Variants in GNG4 observed in about 807,000 individuals in gnomAD.
GNG4 encodes guanine nucleotide-binding protein G(I)/G(S)/G(O) subunit gamma-4.
In GNG4, 4 loss-of-function variants were observed where a neutral mutation model predicts 5.8. That is an observed-to-expected ratio of 0.69 (90% confidence interval 0.34 to 1.57). GNG4 has a LOEUF of 1.57. GNG4 is among the 40% of genes most tolerant of loss of function. GNG4 has a pLI of 0.06. For synonymous variants in GNG4, 29 were observed against 32.9 expected (o/e 0.88, Z 0.41); for missense variants, 96 against 95.1 (o/e 1.01, Z -0.04).
chr1:235,598,915 T>A (rs1688188605), intron 1 of GNG4, among the ~76,000 whole-genome samples: 1 of 152,002 alleles, frequency 6.6e-6, no homozygotes, highest in Non-Finnish European at 1.5e-5. Context: ...TTAGTAGAGA[T>A]GGGGTTTCAC....
At chr1:235,645,870 G>A (rs1891978) in intron 1 of GNG4, among the ~76,000 whole-genome samples, 51,263 of 150,154 alleles carry the variant, frequency 0.34, 10,351 homozygotes, top group Non-Finnish European at 0.46. Flanking sequence ...CTATTTTATC[G>A]CCCTGCCTCT....
chr1:235,598,517 G>A (rs1191245991), intron 1 of GNG4, among the ~76,000 whole-genome samples: 1 of 152,152 alleles, frequency 6.6e-6, no homozygotes, highest in Non-Finnish European at 1.5e-5. Context: ...GCTGAGGCAG[G>A]AGGATCGCCT....
rs547608709 is a variant in GNG4 at position 235,648,150 on chromosome 1, C to A, written c.-123+1512G>T. ...TACATCCTCCACTGGCTTCCTTGGGCGAATTTTAAGGCCTATGAGCACTGG... is the reference window on the plus strand; with the variant it reads ...TACATCCTCCACTGGCTTCCTTGGGAGAATTTTAAGGCCTATGAGCACTGG... On this transcript the variant is annotated intron_variant, in intron 1 of 3. Transcript: ENST00000391854. This position sits in a 1 kb window ranked among gnomAD's most constrained non-coding sequence, Gnocchi z 5.0. 6.6e-6 allele frequency among the ~76,000 whole-genome samples: 1 copy of A among 151,912 alleles called. No individual in the cohort carries two copies.
chr1:235,583,293 C>T (rs1441156241), intron 3 of GNG4, among the ~76,000 whole-genome samples: 1 of 152,164 alleles, frequency 6.6e-6, no homozygotes, highest in Non-Finnish European at 1.5e-5. Context: ...GTGTCTGGAA[C>T]CTTTCTTCAT....
In GNG4 at chr1:235,643,382, C is replaced by T. The variant is rs112042696; in HGVS notation, c.-123+6280G>A. On this transcript the variant is annotated intron_variant, in intron 1 of 3. Transcript: ENST00000391854. ...CCTCTGTTGTCACACGCTTTCTGCA[C>T]TGCTATCAGAAAGAACTAACACTCT... Among the ~76,000 whole-genome samples, 51 of 152,322 alleles carry T rather than the reference C, an allele frequency of 3.3e-4. No individual in the cohort carries two copies. The South Asian group carries it at 3.5e-3, about 11-fold the overall frequency.
At chr1:235,639,085 G>A (rs1418182034) in intron 1 of GNG4, among the ~76,000 whole-genome samples, 1 of 152,192 alleles carries the variant, frequency 6.6e-6, no homozygotes, top group Admixed American at 6.5e-5. Context: ...TCTCTCAGAT[G>A]CGCCTATCTT....
chr1:235,556,950 T>C (rs1279610833), intron 3 of GNG4, among the ~76,000 whole-genome samples: 1 of 151,992 alleles, frequency 6.6e-6, no homozygotes, highest in Non-Finnish European at 1.5e-5. Flanking sequence ...ATTGGGTTTG[T>C]GCTCCTGTAA....
intron 1 of GNG4, among the ~76,000 whole-genome samples, chr1:235,622,889 A>AAAAAAAAAAAC: frequency 6.7e-6 from 1 of 150,220 alleles, no homozygotes; most frequent in East Asian, 2.0e-4. Flanking sequence ...AAAAAAAAAA[A>AAAAAAAAAAAC]AATAGCCAGG....
intron 3 of GNG4, among the ~76,000 whole-genome samples, chr1:235,563,556 T>A (rs781316504): frequency 6.6e-6 from 1 of 152,164 alleles, no homozygotes; most frequent in Non-Finnish European, 1.5e-5. Flanking sequence ...TTATCATGCA[T>A]GTTTTCCCCC....
intron 1 of GNG4, among the ~76,000 whole-genome samples, chr1:235,614,433 T>C (rs1490204804): frequency 6.6e-6 from 1 of 152,242 alleles, no homozygotes; most frequent in Non-Finnish European, 1.5e-5. Flanking sequence ...CTCTGCTTCT[T>C]TTGAATTTCT....
chr1:235,567,685 C>T (rs1274940040), intron 3 of GNG4, among the ~76,000 whole-genome samples: 4 of 152,184 alleles, frequency 2.6e-5, no homozygotes, highest in Non-Finnish European at 4.4e-5. Context: ...TAAGTATACA[C>T]TACATTTTGT....
At chr1:235,587,654 T>TGTGGTG (rs1331573015) in intron 2 of GNG4, among the ~76,000 whole-genome samples, 1 of 2,498 alleles carries the variant, frequency 4.0e-4, no homozygotes, top group Admixed American at 6.1e-3. Flanking sequence ...TGGGAGGGTG[T>TGTGGTG]TGGGTGTGTG....
intron 3 of GNG4, among the ~76,000 whole-genome samples, chr1:235,581,079 T>G (rs750086163): frequency 6.6e-6 from 1 of 152,126 alleles, no homozygotes; most frequent in African/African-American, 2.4e-5. Context: ...GAATATCACC[T>G]GAGTAACTGA....
chr1:235,634,555 G>A (rs533736583), intron 1 of GNG4, among the ~76,000 whole-genome samples: 2 of 152,300 alleles, frequency 1.3e-5, no homozygotes, highest in South Asian at 2.1e-4. Context: ...ATGAAGAAAC[G>A]CAGATTTATA....
Position 235,583,804 on chromosome 1 carries a change from C to T in GNG4, c.35G>A (p.Ser12Asn). The change falls in exon 3 of 4, where the codon AGC (serine) becomes AAC (asparagine). Residue 12 changes from serine to asparagine, a missense_variant. Ser to Asn is a conservative substitution (Grantham distance 46, BLOSUM62 1). Coordinates refer to ENST00000391854, the MANE Select transcript of GNG4 (RefSeq NM_001098722.2). Reference sequence around the variant, plus strand: ...CACAGCTTTCCTGGCTTGGGAGATGCTAGTGGTGCTGTTATTAGACATGCC... The same window carrying T: ...CACAGCTTTCCTGGCTTGGGAGATGTTAGTGGTGCTGTTATTAGACATGCC... ...KEGMSNNSTT[S>N]ISQARKAVEQ... 6.2e-7 allele frequency: 1 copy of T among 1,613,770 alleles called. No homozygotes were observed. Among genetic ancestry groups the T allele is most frequent in the Non-Finnish European group, 8.5e-7 (1 of 1,179,724 alleles).
chr1:235,650,315 G>A (rs1269875708), upstream of GNG4, among the ~76,000 whole-genome samples: 3 of 149,978 alleles, frequency 2.0e-5, no homozygotes, highest in African/African-American at 7.3e-5. Context: ...GATCTGCGGG[G>A]CGGGGCCGGG....
intron 1 of GNG4, among the ~76,000 whole-genome samples, chr1:235,629,716 C>T (rs540837165): frequency 2.0e-5 from 3 of 152,066 alleles, no homozygotes; most frequent in East Asian, 1.9e-4. Context: ...TCTGCTTCAG[C>T]GTCCCGAGTA....
rs767629024 is a variant in GNG4, at chr1:235,642,434, AG to A, written c.-123+7227del. Among the ~76,000 whole-genome samples the A allele has an allele frequency of 1.3e-5, 2 of 152,226 alleles. No individual in the cohort carries two copies. Among genetic ancestry groups the A allele is most frequent in the Non-Finnish European group, 2.9e-5 (2 of 68,036 alleles). On this transcript the variant is annotated intron_variant, in intron 1 of 3. Coordinates refer to ENST00000391854, the MANE Select transcript of GNG4 (RefSeq NM_001098722.2). The surrounding 1 kb of genome is among the most constrained non-coding windows in gnomAD (Gnocchi z 4.3). Reference sequence around the variant, plus strand: ...CTGTGATTCCCCGACGTGGGCCTGCAGCAAGAGACGGGTGCTAACAGCGTCC... The same window carrying A: ...CTGTGATTCCCCGACGTGGGCCTGCACAAGAGACGGGTGCTAACAGCGTCC...
In GNG4 at chr1:235,642,480, A is replaced by T. The variant is rs1322450101; in HGVS notation, c.-123+7182T>A. On this transcript the variant is annotated intron_variant, in intron 1 of 3. Transcript: ENST00000391854. This position sits in a 1 kb window ranked among gnomAD's most constrained non-coding sequence, Gnocchi z 4.3. ...GCGTCCGAGCCAATCCGTAAGCATC[A>T]GAGGGACAAAGAAATCATAAACAAG... Among the ~76,000 whole-genome samples, 1 of 152,196 alleles carries T rather than the reference A, an allele frequency of 6.6e-6. No individual in the cohort carries two copies. The highest frequency in any genetic ancestry group is 1.5e-5 in the Non-Finnish European group (1 of 68,042).
Sources: gnomAD v4.1 joint callset for allele counts (sites outside exome capture counted in the v4.1 genomes callset) on GRCh38, gnomAD v4.1.1 for gene constraint, Gnocchi (gnomAD v3.1) non-coding constraint, MANE v1.5 for transcripts, NCBI Gene and HGNC (gene_info 2026-07-23, HGNC 2026-07-21) for gene names.